MAST4: variants seen among roughly 807,000 people sequenced by gnomAD.
The protein encoded by MAST4 is microtubule associated serine/threonine kinase family member 4.
Under a neutral mutation model 162.7 loss-of-function variants are expected in MAST4, and 89 were observed. The ratio of observed to expected loss-of-function variants is 0.55; its 90% CI spans 0.46 to 0.65. The LOEUF (loss-of-function observed/expected upper bound fraction) is 0.65, where lower values mean the gene tolerates loss of function less well. MAST4 is among the 30% of genes least tolerant of loss of function. The pLI is 0.00. For synonymous variants in MAST4, 1,479 were observed against 1,361.1 expected, an observed-to-expected ratio of 1.09 and a Z score of -1.91; for missense variants, 3,153 against 3,374.0, an observed-to-expected ratio of 0.93 and a Z score of 1.62.
At chr5:66,733,787 T>G (rs775555988) in intron 1 of MAST4, among the ~76,000 whole-genome samples, 5 of 151,946 alleles carry the variant, frequency 3.3e-5, no homozygotes, top group Non-Finnish European at 5.9e-5. Context: ...AAAGTGAAAT[T>G]ATAATAGAAG....
At chr5:67,090,761 G>A (rs916496662) in intron 6 of MAST4, among the ~76,000 whole-genome samples, 11 of 151,760 alleles carry the variant, frequency 7.2e-5, no homozygotes, top group African/African-American at 2.7e-4. Flanking sequence ...TTGTTCAGAG[G>A]ATAGCAGGCA....
At chr5:66,688,062 A>C (rs1748803846) in intron 1 of MAST4, among the ~76,000 whole-genome samples, 1 of 152,108 alleles carries the variant, frequency 6.6e-6, no homozygotes, top group Admixed American at 6.6e-5. Context: ...CTGTTGGGTA[A>C]ACCTTTAGCT....
At chr5:67,029,586 A>G (rs1426320643) in intron 4 of MAST4, among the ~76,000 whole-genome samples, 5 of 152,166 alleles carry the variant, frequency 3.3e-5, no homozygotes, top group African/African-American at 1.2e-4. Context: ...GAAATTGAGC[A>G]GGAAATTGGG....
At chr5:66,769,892 C>A (rs777298348) in intron 2 of MAST4, among the ~76,000 whole-genome samples, 1 of 152,158 alleles carries the variant, frequency 6.6e-6, no homozygotes, top group Non-Finnish European at 1.5e-5. Flanking sequence ...AGAAAAAGCC[C>A]AGATCCACAT....
intron 1 of MAST4, among the ~76,000 whole-genome samples, chr5:66,718,895 G>A (rs1463997671): frequency 6.6e-6 from 1 of 152,106 alleles, no homozygotes; most frequent in Non-Finnish European, 1.5e-5. Flanking sequence ...GCATGACCTG[G>A]CGTCATTCTT....
intron 21 of MAST4, 110 bp from the exon 22 acceptor site, chr5:67,144,559 T>G: frequency 9.0e-7 from 1 of 1,109,064 alleles, no homozygotes; most frequent in Non-Finnish European, 1.3e-6. Context: ...ATACACAATA[T>G]TAGTTCAGAA....
In MAST4 at chr5:66,596,960, G is replaced by C; in HGVS notation, c.305G>C (p.Gly102Ala). ...VLALPPPLPG[G>A]AVPPAPRGSS... ...GCGCTGCCGCCGCCGCTTCCCGGAG[G>C]AGCTGTGCCGCCCGCGCCCCGGGGC... Residue 102 changes from glycine to alanine, a missense_variant, in exon 1 of 29, where the codon GGA (glycine) becomes GCA (alanine). Gly to Ala is a moderately conservative substitution (Grantham distance 60, BLOSUM62 0). This residue lies in a region of MAST4 where 327 missense variants were observed against 336.5 expected (regional missense o/e 0.97). Coordinates refer to ENST00000403625, the MANE Select transcript of MAST4 (RefSeq NM_001164664.2). 1 of 1,438,998 alleles carries C rather than the reference G, an allele frequency of 6.9e-7. No homozygotes were observed. 89.1% of individuals were successfully genotyped at this position (1,438,998 alleles called of 1,614,324 possible).
intron 4 of MAST4, among the ~76,000 whole-genome samples, chr5:66,950,684 A>G (rs1446085654): frequency 6.6e-6 from 1 of 152,116 alleles, no homozygotes; most frequent in Non-Finnish European, 1.5e-5. Flanking sequence ...TCACCTATTC[A>G]TCTGTTAATC....
intron 2 of MAST4, among the ~76,000 whole-genome samples, chr5:66,776,658 GA>G (rs1754615343): frequency 6.6e-6 from 1 of 152,146 alleles, no homozygotes; most frequent in Non-Finnish European, 1.5e-5. Flanking sequence ...ATCCTTGGGA[GA>G]AATATAAATG....
intron 19 of MAST4, among the ~76,000 whole-genome samples, chr5:67,138,379 A>G (rs1246166521): frequency 2.0e-5 from 3 of 152,144 alleles, no homozygotes; most frequent in Middle Eastern, 3.2e-3. Flanking sequence ...TAGTCCTTCA[A>G]TAAGCCCATA....
intron 1 of MAST4, among the ~76,000 whole-genome samples, chr5:66,602,691 T>G (rs1005540355): frequency 1.3e-5 from 2 of 152,136 alleles, no homozygotes; most frequent in African/African-American, 4.8e-5. Context: ...AAGAGATGAT[T>G]GTGTGTTTTA....
chr5:66,716,035 CAGA>C (rs1750816885), intron 1 of MAST4, among the ~76,000 whole-genome samples: 1 of 151,498 alleles, frequency 6.6e-6, no homozygotes, highest in Admixed American at 6.6e-5. Context: ...ATTTTTGTTG[CAGA>C]AGGAGTATGA....
At chr5:66,758,938 A>T (rs1286328928) in intron 1 of MAST4, among the ~76,000 whole-genome samples, 1 of 152,192 alleles carries the variant, frequency 6.6e-6, no homozygotes, top group Non-Finnish European at 1.5e-5. Flanking sequence ...ATATGTACTT[A>T]CTTGAAGGTG....
chr5:67,102,676 A>G, intron 9 of MAST4, 65 bp downstream of exon 9: 15 of 1,348,206 alleles, frequency 1.1e-5, no homozygotes, highest in Non-Finnish European at 1.5e-5. Context: ...TAGAGTCTGT[A>G]AGGTTGTTTT....
In MAST4 at chr5:66,726,854, C is replaced by G. The variant is rs564583274; in HGVS notation, c.364-32855C>G. ...GAGAATCTAATCCTGCCCCTACCCC[C>G]AGTCCGTGGAAAAATTGTCTTCCAT... On this transcript the variant is annotated intron_variant, in intron 1 of 28. Transcript: ENST00000403625. 4.6e-4 allele frequency among the ~76,000 whole-genome samples: 70 copies of G among 152,246 alleles called. 1 individual carries two copies. The highest frequency in any genetic ancestry group is 1.8e-3 in the Admixed American group (27 of 15,298).
chr5:66,958,957 T>TAA (rs397965332), intron 4 of MAST4: 372 of 306,122 alleles, frequency 1.2e-3, no homozygotes, highest in Middle Eastern at 1.9e-3. Flanking sequence ...CGACTTTCTT[T>TAA]AAAAAAAAAA....
At chr5:66,632,291 A>G (rs116044152) in intron 1 of MAST4, among the ~76,000 whole-genome samples, 1 of 152,100 alleles carries the variant, frequency 6.6e-6, no homozygotes, top group South Asian at 2.1e-4. Flanking sequence ...ACTCTACTGG[A>G]GTGGTAGAAA....
intron 4 of MAST4, among the ~76,000 whole-genome samples, chr5:66,910,742 T>C (rs200700197): frequency 0.044 from 1,056 of 23,886 alleles, 16 homozygotes; most frequent in African/African-American, 0.12. Flanking sequence ...TTTTTTTTTC[T>C]TTTTTTTTTT....
chr5:67,077,744 A>C (rs967916538), intron 5 of MAST4, among the ~76,000 whole-genome samples: 60 of 152,364 alleles, frequency 3.9e-4, no homozygotes, highest in African/African-American at 1.4e-3. Flanking sequence ...CCAGACTGCT[A>C]TCTTGCTCCT....
Sources: allele counts gnomAD v4.1 joint callset (sites outside exome capture counted in the v4.1 genomes callset), GRCh38; gene constraint gnomAD v4.1.1; regional missense constraint gnomAD v4.1.1; transcripts MANE v1.5; gene names NCBI Gene and HGNC (gene_info 2026-07-23, HGNC 2026-07-21).